The following RNF152 variants were observed in gnomAD, a reference collection of about 807,000 sequenced individuals.
RNF152 encodes the protein ring finger protein 152, also known as E3 ubiquitin-protein ligase RNF152.
A neutral mutation model predicts 12.7 loss-of-function variants in RNF152; 11 were observed. That is an observed-to-expected ratio of 0.86 (90% CI 0.54 to 1.43). The LOEUF is 1.43. Ranked by LOEUF, RNF152 falls within the 40% of genes most tolerant of loss-of-function variation. The pLI is 0.00. For synonymous variants in RNF152, 113 were observed against 120.3 expected (o/e 0.94, Z 0.40); for missense variants, 255 against 274.8 (o/e 0.93, Z 0.51).
chr18:61,851,137 T>A (rs1910956701), intron 1 of RNF152, among the ~76,000 whole-genome samples: 1 of 148,124 alleles, frequency 6.8e-6, no homozygotes, highest in African/African-American at 2.5e-5. Context: ...TTGGTGCAAA[T>A]AAACCATTTC....
At chr18:61,876,329 T>C (rs902748338) in intron 1 of RNF152, among the ~76,000 whole-genome samples, 3 of 152,210 alleles carry the variant, frequency 2.0e-5, no homozygotes, top group African/African-American at 7.2e-5. Flanking sequence ...AGGAGCATCT[T>C]GGTATAAAAA....
chr18:61,881,286 T>C (rs576673962), intron 1 of RNF152, among the ~76,000 whole-genome samples: 14 of 152,274 alleles, frequency 9.2e-5, no homozygotes, highest in African/African-American at 1.2e-4. Flanking sequence ...TTAAGTACTA[T>C]AGATTATAGC....
intron 1 of RNF152, among the ~76,000 whole-genome samples, chr18:61,871,473 C>A (rs1348181923): frequency 6.6e-6 from 1 of 152,144 alleles, no homozygotes; most frequent in African/African-American, 2.4e-5. Flanking sequence ...TAAACCAGAA[C>A]ACAGAGGGTC....
At chr18:61,844,114 GA>G (rs771229653) in intron 1 of RNF152, among the ~76,000 whole-genome samples, 1 of 125,196 alleles carries the variant, frequency 8.0e-6, no homozygotes, top group African/African-American at 2.7e-5. Context: ...AAGAAAGAAA[GA>G]AAGAAAGAAA....
chr18:61,858,509 T>C (rs1301552688), intron 1 of RNF152, among the ~76,000 whole-genome samples: 1 of 151,988 alleles, frequency 6.6e-6, no homozygotes, highest in Admixed American at 6.6e-5. Context: ...CCCCGATACC[T>C]TCTCCCTAGA....
In RNF152 at chr18:61,812,889, G is replaced by T. The variant is rs1262591976; in HGVS notation, c.*2963C>A. 1 of 152,110 alleles carries T rather than the reference G, an allele frequency of 6.6e-6. No individual in the cohort carries two copies. Among genetic ancestry groups the T allele is most frequent in the Non-Finnish European group, 1.5e-5 (1 of 68,026 alleles). 9.4% of individuals were successfully genotyped at this position (152,110 alleles called of 1,614,324 possible). ...ATTCTTTAAAGCAATAGTTGACTCA[G>T]TAAAGGGTATTCATCAACCCTAGAA... is the stretch of plus-strand genomic sequence containing the variant. On this transcript the variant is annotated 3_prime_UTR_variant, in exon 2 of 2. Transcript: ENST00000312828.
chr18:61,882,263 G>A (rs1912497001), intron 1 of RNF152, among the ~76,000 whole-genome samples: 1 of 152,192 alleles, frequency 6.6e-6, no homozygotes, highest in South Asian at 2.1e-4. Flanking sequence ...CGAACTCTTT[G>A]TACTAATATT....
chr18:61,838,790 G>A (rs1168164202), intron 1 of RNF152, among the ~76,000 whole-genome samples: 2 of 152,106 alleles, frequency 1.3e-5, no homozygotes, highest in African/African-American at 4.8e-5. Flanking sequence ...ATCTATCAAA[G>A]TCTTCACCCA....
At chr18:61,827,968 CA>C (rs1490505224) in intron 1 of RNF152, among the ~76,000 whole-genome samples, 1 of 152,198 alleles carries the variant, frequency 6.6e-6, no homozygotes, top group East Asian at 1.9e-4. Context: ...TCTAACCTAA[CA>C]AAAAATCCAG....
At chr18:61,850,928 G>A (rs73458444) in intron 1 of RNF152, among the ~76,000 whole-genome samples, 3,072 of 152,014 alleles carry the variant, frequency 0.02, 116 homozygotes, top group African/African-American at 0.07. Flanking sequence ...CTGGGCACAC[G>A]GAAATGCCCA....
intron 1 of RNF152, among the ~76,000 whole-genome samples, chr18:61,842,842 T>C (rs1442744695): frequency 6.6e-6 from 1 of 152,150 alleles, no homozygotes; most frequent in Non-Finnish European, 1.5e-5. Context: ...GGAAACCCAT[T>C]CACTATCACA....
chr18:61,836,441 G>A (rs1910188867), intron 1 of RNF152, among the ~76,000 whole-genome samples: 1 of 152,176 alleles, frequency 6.6e-6, no homozygotes, highest in African/African-American at 2.4e-5. Flanking sequence ...ATGAGGTCAT[G>A]AGGGTAAGGC....
intron 1 of RNF152, among the ~76,000 whole-genome samples, chr18:61,862,408 G>A (rs1911527795): frequency 1.3e-5 from 2 of 152,228 alleles, no homozygotes; most frequent in Non-Finnish European, 2.9e-5. Flanking sequence ...AGCTGACAAA[G>A]CAAGAGCAAG....
rs536105242 is a variant in RNF152, at chr18:61,812,077, C to T, written c.*3775G>A. On this transcript the variant is annotated 3_prime_UTR_variant, in exon 2 of 2. Transcript: ENST00000312828. ...CATGTCACTAGCCCACAAACTCTCA[C>T]CTTAGCCTCACTGTTACTCCATTAA... 4.6e-5 allele frequency: 7 copies of T among 152,310 alleles called. No individual in the cohort carries two copies. Among genetic ancestry groups the T allele is most frequent in the African/African-American group, 1.4e-4 (6 of 41,570 alleles). The allele number at this position is 152,310 out of a possible 1,614,324, so 9.4% of individuals were successfully genotyped here.
At chr18:61,835,449 C>T (rs902005474) in intron 1 of RNF152, among the ~76,000 whole-genome samples, 22 of 151,778 alleles carry the variant, frequency 1.4e-4, no homozygotes, top group Non-Finnish European at 2.6e-4. Flanking sequence ...TTTATTTTTA[C>T]AAAAATAAAC....
chr18:61,879,433 G>C lies in RNF152; in HGVS notation c.-136+13362C>G, dbSNP rs1021523203. Among the ~76,000 whole-genome samples, 5 of 152,228 alleles carry C rather than the reference G, an allele frequency of 3.3e-5. No individual in the cohort carries two copies. In the East Asian group the frequency reaches 9.7e-4, roughly 29 times the overall value. On this transcript the variant is annotated intron_variant, in intron 1 of 1. Transcript: ENST00000312828. Reference sequence around the variant, plus strand: ...AGCATGCATGGATCTTGGTTTCTAAGGGGGTTCCTGGAATCAGTGCCCCAT... The same window carrying C: ...AGCATGCATGGATCTTGGTTTCTAACGGGGTTCCTGGAATCAGTGCCCCAT...
chr18:61,875,631 T>C (rs1414301339), intron 1 of RNF152, among the ~76,000 whole-genome samples: 2 of 152,108 alleles, frequency 1.3e-5, no homozygotes, highest in Non-Finnish European at 2.9e-5. Flanking sequence ...ACTCTTAATT[T>C]CTCCCAAATC....
intron 1 of RNF152, among the ~76,000 whole-genome samples, chr18:61,857,599 C>G (rs1911281834): frequency 6.6e-6 from 1 of 152,040 alleles, no homozygotes. Context: ...TTTAAATGAC[C>G]ACATCTTCCA....
In RNF152 at chr18:61,809,659, A is replaced by G. The variant is rs954257177; in HGVS notation, c.*6193T>C. The G allele has an allele frequency of 6.6e-6, 1 of 152,196 alleles. No homozygotes were observed. Among genetic ancestry groups the G allele is most frequent in the Non-Finnish European group, 1.5e-5 (1 of 68,046 alleles). 9.4% of individuals were successfully genotyped at this position (152,196 alleles called of 1,614,324 possible). ...ACTCCCACAAAAACAAAGAAAATGC[A>G]TGCTGTTGCAGACTTCAAGAGGTCC... is the stretch of plus-strand genomic sequence containing the variant. On this transcript the variant is annotated 3_prime_UTR_variant, in exon 2 of 2. Coordinates refer to ENST00000312828, the MANE Select transcript of RNF152 (RefSeq NM_173557.3).
Sources: allele counts gnomAD v4.1 joint callset (sites outside exome capture counted in the v4.1 genomes callset), GRCh38; gene constraint gnomAD v4.1.1; transcripts MANE v1.5; gene names NCBI Gene and HGNC (gene_info 2026-07-23, HGNC 2026-07-21).